The following CBLB variants were observed in gnomAD, a reference collection of about 807,000 sequenced individuals.
CBLB encodes the protein Cbl proto-oncogene B.
Under a neutral mutation model 104.9 loss-of-function variants are expected in CBLB, and 31 were observed. The ratio of observed to expected loss-of-function variants is 0.30; its 90% CI spans 0.22 to 0.40. The LOEUF is 0.40. Among genes scored for constraint, CBLB ranks in the 10% least tolerant of loss-of-function variants. CBLB has a pLI of 1.00. For missense variants in CBLB, 1,062 were observed against 1,214.6 expected, an observed-to-expected ratio of 0.87 and a Z score of 1.87; for synonymous variants, 440 against 422.6, an observed-to-expected ratio of 1.04 and a Z score of -0.51.
chr3:105,780,660 G>GTTTTTTTTTTTTTTTTTTTTTTTT (rs58640968), intron 3 of CBLB, among the ~76,000 whole-genome samples: 35 of 94,038 alleles, frequency 3.7e-4, no homozygotes, highest in African/African-American at 6.9e-4. Flanking sequence ...TTTGTTTTTT[G>GTTTTTTTTTTTTTTTTTTTTTTTT]TTTTTTTTTT....
At chr3:105,705,091 C>T (rs928033443) in intron 10 of CBLB, among the ~76,000 whole-genome samples, 2 of 152,172 alleles carry the variant, frequency 1.3e-5, no homozygotes, top group African/African-American at 4.8e-5. Flanking sequence ...TTAATGTTTA[C>T]AACACTATCT....
At chr3:105,807,472 TGTCCAGTGA>T (rs1283337600) in intron 3 of CBLB, among the ~76,000 whole-genome samples, 2 of 152,232 alleles carry the variant, frequency 1.3e-5, no homozygotes, top group East Asian at 3.8e-4. Context: ...ATCTGGTATG[TGTCCAGTGA>T]GCCCTTTTAA....
intron 4 of CBLB, among the ~76,000 whole-genome samples, chr3:105,772,712 G>A (rs2079004028): frequency 6.6e-6 from 1 of 152,026 alleles, no homozygotes; most frequent in Admixed American, 6.6e-5. Context: ...CAAAGGAAAT[G>A]AATAGACATT....
At chr3:105,792,884 G>C (rs2152998084) in intron 3 of CBLB, among the ~76,000 whole-genome samples, 1 of 152,206 alleles carries the variant, frequency 6.6e-6, no homozygotes, top group African/African-American at 2.4e-5. Flanking sequence ...TTAAGGTCAG[G>C]AAAGGAGGAA....
At chr3:105,737,710 A>C (rs2075105764) in intron 7 of CBLB, among the ~76,000 whole-genome samples, 1 of 152,160 alleles carries the variant, frequency 6.6e-6, no homozygotes, top group African/African-American at 2.4e-5. Context: ...GTTTTCTTGT[A>C]AGTTACTCAA....
chr3:105,693,641 T>G, intron 12 of CBLB, 53 bp from the exon 13 acceptor site: 1 of 1,189,432 alleles, frequency 8.4e-7, no homozygotes, highest in Non-Finnish European at 1.3e-6. Flanking sequence ...TGAAGGACCT[T>G]AAAGCCATAG....
chr3:105,730,673 G>C (rs1048978403), intron 9 of CBLB, among the ~76,000 whole-genome samples: 4 of 152,086 alleles, frequency 2.6e-5, no homozygotes, highest in African/African-American at 2.4e-5. Flanking sequence ...GCTTATTAAT[G>C]ATGAGCTGCT....
At chr3:105,767,151 A>C (rs1337179898) in intron 4 of CBLB, among the ~76,000 whole-genome samples, 1 of 152,146 alleles carries the variant, frequency 6.6e-6, no homozygotes, top group African/African-American at 2.4e-5. Context: ...GATTCTTTGA[A>C]TCCTACTTTA....
chr3:105,834,393 A>G (rs2088094036), intron 3 of CBLB, among the ~76,000 whole-genome samples: 1 of 152,228 alleles, frequency 6.6e-6, no homozygotes, highest in Non-Finnish European at 1.5e-5. Flanking sequence ...ACGGTAGCTC[A>G]TGCCTGTAAT....
chr3:105,805,056 C>T (rs913816235), intron 3 of CBLB, among the ~76,000 whole-genome samples: 16 of 152,272 alleles, frequency 1.1e-4, no homozygotes, highest in Middle Eastern at 3.4e-3. Flanking sequence ...AACAATAGCC[C>T]ATGGCCACCT....
At chr3:105,809,131 A>G (rs1455592880) in intron 3 of CBLB, among the ~76,000 whole-genome samples, 1 of 152,092 alleles carries the variant, frequency 6.6e-6, no homozygotes, top group African/African-American at 2.4e-5. Flanking sequence ...GGAGAAACAG[A>G]TAGAAGCAGA....
chr3:105,761,026 T>C (rs2077569126), intron 4 of CBLB, among the ~76,000 whole-genome samples: 1 of 152,202 alleles, frequency 6.6e-6, no homozygotes, highest in Non-Finnish European at 1.5e-5. Context: ...TGTTGTTGTT[T>C]TTGTTTTTCA....
intron 13 of CBLB, 38 bp downstream of exon 13, chr3:105,693,456 T>C (rs1276273133): frequency 1.5e-6 from 2 of 1,327,374 alleles, no homozygotes; most frequent in East Asian, 4.6e-5. Flanking sequence ...CATATCTTGA[T>C]GCATAGACAA....
rs201019794 is a variant in CBLB, at chr3:105,694,897, TG to T, written c.1960-1310del. ...AATAACAGAACAAGGCAAAGTGTTC[TG>T]AAGTGTGCCAGAAAGAAGAAATTTC... On this transcript the variant is annotated intron_variant, in intron 12 of 18. Coordinates refer to ENST00000394030, the MANE Select transcript of CBLB (RefSeq NM_170662.5). Among the ~76,000 whole-genome samples the T allele has an allele frequency of 6.3e-3, 963 of 151,952 alleles. 12 individuals carry two copies. The highest frequency in any genetic ancestry group is 0.022 in the African/African-American group (916 of 41,544).
chr3:105,829,479 C>CGA (rs1560433612), intron 3 of CBLB, among the ~76,000 whole-genome samples: 1 of 151,612 alleles, frequency 6.6e-6, no homozygotes, highest in African/African-American at 2.4e-5. Flanking sequence ...GGCAACATGG[C>CGA]GAGACCCTGT....
chr3:105,702,011 A>AC, intron 12 of CBLB, 83 bp downstream of exon 12: 1 of 1,528,744 alleles, frequency 6.5e-7, no homozygotes, highest in East Asian at 2.2e-5. Flanking sequence ...GGCAAAAAAA[A>AC]ACACTTCCCA....
chr3:105,791,432 A>T (rs2081625659), intron 3 of CBLB, among the ~76,000 whole-genome samples: 1 of 149,162 alleles, frequency 6.7e-6, no homozygotes, highest in Non-Finnish European at 1.5e-5. Context: ...TAGTAAAGAA[A>T]TATATCCTTT....
Position 105,657,911 on chromosome 3 carries a change from G to T in CBLB, c.*1059C>A, listed in dbSNP as rs980661244. 1.4e-5 allele frequency: 3 copies of T among 211,368 alleles called. No individual in the cohort carries two copies. Among genetic ancestry groups the T allele is most frequent in the African/African-American group, 6.8e-5 (3 of 44,154 alleles). The allele number at this position is 211,368 out of a possible 1,614,324, so 13.1% of individuals were successfully genotyped here. On this transcript the variant is annotated 3_prime_UTR_variant, in exon 19 of 19. Transcript: ENST00000394030. ...AATGTTTCCACTGCAATATGAACTG[G>T]TTCCCACAGCTCTTAGGAGATAGAG...
In CBLB at chr3:105,867,556, T is replaced by C. The variant is rs1560602601; in HGVS notation, c.22A>G (p.Arg8Gly). 4 of 1,614,218 alleles carry C rather than the reference T, an allele frequency of 2.5e-6. No homozygotes were observed. The highest frequency in any genetic ancestry group is 3.4e-6 in the Non-Finnish European group (4 of 1,180,030). Residue 8 changes from arginine (R) to glycine (G), a missense_variant, in exon 2 of 19, where the codon AGA becomes GGA. This residue lies in a region of CBLB where 457 missense variants were observed against 632.0 expected (regional missense o/e 0.72). Transcript: ENST00000394030. ...TTTCCTCCTCGACCACCAGGGTTTC[T>C]GCCATTCATTGAGTTTGCCATCTGG... is the stretch of plus-strand genomic sequence containing the variant. MANSMNG[R>G]NPGGRGGNPR...
Sources: allele counts gnomAD v4.1 joint callset (sites outside exome capture counted in the v4.1 genomes callset), GRCh38; gene constraint gnomAD v4.1.1; regional missense constraint gnomAD v4.1.1; transcripts MANE v1.5; gene names NCBI Gene and HGNC (gene_info 2026-07-23, HGNC 2026-07-21).